The following CD46 variants were observed in gnomAD, a reference collection of about 807,000 sequenced individuals.
CD46 encodes CD46 molecule.
Under a neutral mutation model 53.3 loss-of-function variants are expected in CD46, and 30 were observed. That is an observed-to-expected ratio of 0.56 (90% CI 0.42 to 0.76). CD46 has a LOEUF of 0.76. Among genes scored for constraint, CD46 ranks in the 30% least tolerant of loss-of-function variants. The pLI, the probability that CD46 is intolerant of heterozygous loss-of-function variation, is 0.00. For missense variants in CD46, 409 were observed against 463.0 expected (o/e 0.88, Z 1.07); for synonymous variants, 142 against 152.0 (o/e 0.93, Z 0.48).
intron 8 of CD46, among the ~76,000 whole-genome samples, chr1:207,775,201 A>G (rs1420810770): frequency 6.6e-6 from 1 of 152,120 alleles, no homozygotes; most frequent in Non-Finnish European, 1.5e-5. Flanking sequence ...TGCGTCACGA[A>G]GTTCTTGTGC....
chr1:207,783,301 A>G lies in CD46; in HGVS notation c.953A>G (p.Lys318Arg). ...TCTTCTTTTTTCCTAGGATATCCTA[A>G]ACCTGAGGAAGGAATACTTGACAGT... ...PPVSNYPGYP[K>R]PEEGILDSLD... The change falls in exon 9 of 13, where the codon AAA becomes AGA. Residue 318 changes from lysine to arginine, a missense_variant. Physicochemically the swap from Lys to Arg is conservative, Grantham distance 26. Transcript: ENST00000367042. 1 of 1,511,380 alleles carries G rather than the reference A, an allele frequency of 6.6e-7. No homozygotes were observed. The highest frequency in any genetic ancestry group is 9.2e-7 in the Non-Finnish European group (1 of 1,087,734). The allele number at this position is 1,511,380 out of a possible 1,614,324, so 93.6% of individuals were successfully genotyped here. A position where few individuals can be genotyped will look rare whatever the true frequency, so the allele number is the denominator to read the frequency against.
chr1:207,791,469 G>GGC (rs1558085470), intron 12 of CD46, among the ~76,000 whole-genome samples: 1 of 152,182 alleles, frequency 6.6e-6, no homozygotes, highest in Non-Finnish European at 1.5e-5. Flanking sequence ...TGATAACCAA[G>GGC]ACAGCTATTG....
intron 11 of CD46, 57 bp downstream of exon 11, chr1:207,785,739 T>C: frequency 9.2e-7 from 1 of 1,090,414 alleles, no homozygotes; most frequent in Non-Finnish European, 1.4e-6. Flanking sequence ...TAACATGCTT[T>C]TGTGCAGCTT....
intron 8 of CD46, among the ~76,000 whole-genome samples, chr1:207,782,825 T>TG (rs1157360557): frequency 6.6e-6 from 1 of 150,518 alleles, no homozygotes; most frequent in Non-Finnish European, 1.5e-5. Context: ...TTTTTGTTTT[T>TG]TTTTTTTTTA....
In CD46 at chr1:207,767,207, A is replaced by G. The variant is rs745757525; in HGVS notation, c.856+12A>G. ...AAAGTGTCTTAAAGGTACAAAGGTT[A>G]TCTTTTTTCTGTCTTGGTTTGTTAT... On this transcript the variant is annotated intron_variant, in intron 6 of 12. Coordinates refer to ENST00000367042, the MANE Select transcript of CD46 (RefSeq NM_172351.3). The G allele has an allele frequency of 1.9e-6, 3 of 1,607,578 alleles. No individual in the cohort carries two copies. The African/African-American group carries it at 4.0e-5, about 21-fold the overall frequency.
chr1:207,767,759 A>C lies in CD46; in HGVS notation c.857-20A>C. ...CTCCCAAGTGTTTGGTCCAATCTAC[A>C]TTATTATTTTGTTTTCCAGTGTCGA... On this transcript the variant is annotated intron_variant, in intron 6 of 12. Transcript: ENST00000367042. 6.2e-7 allele frequency: 1 copy of C among 1,610,680 alleles called. No homozygotes were observed. The highest frequency in any genetic ancestry group is 2.2e-5 in the East Asian group (1 of 44,820).
chr1:207,784,968 G>A lies in CD46; in HGVS notation c.983-103G>A. 3 of 942,346 alleles carry A rather than the reference G, an allele frequency of 3.2e-6. No individual in the cohort carries two copies. The South Asian group carries it at 4.1e-5, about 13-fold the overall frequency. 58.4% of individuals were successfully genotyped at this position (942,346 alleles called of 1,614,324 possible). A position where few individuals can be genotyped will look rare whatever the true frequency, so the allele number is the denominator to read the frequency against. On this transcript the variant is annotated intron_variant, in intron 9 of 12. Transcript: ENST00000367042. ...TTGCGATTCAAGATGAGATTTGGGTGGGGACACAGCCAAACCATATCAAGT... is the reference window on the plus strand; with the variant it reads ...TTGCGATTCAAGATGAGATTTGGGTAGGGACACAGCCAAACCATATCAAGT...
At chr1:207,792,818 AAC>A (rs1005455499) in intron 12 of CD46, among the ~76,000 whole-genome samples, 1 of 152,246 alleles carries the variant, frequency 6.6e-6, no homozygotes, top group African/African-American at 2.4e-5. Flanking sequence ...GCAAGTGTCA[AAC>A]ACACACTGGA....
At chr1:207,759,494 C>T in intron 3 of CD46, 145 bp from the exon 4 acceptor site, 1 of 598,566 alleles carries the variant, frequency 1.7e-6, no homozygotes, top group Non-Finnish European at 3.0e-6. Flanking sequence ...TTATTTAGCA[C>T]TTTCGTTATA....
intron 10 of CD46, 72 bp downstream of exon 10, chr1:207,785,178 T>A: frequency 8.2e-7 from 1 of 1,220,094 alleles, no homozygotes; most frequent in Admixed American, 1.8e-5. Flanking sequence ...AAAAATAGTT[T>A]TTCAGTTTCT....
chr1:207,757,246 T>A (rs1379324990), intron 2 of CD46, 44 bp downstream of exon 2: 4 of 1,505,440 alleles, frequency 2.7e-6, no homozygotes, highest in Non-Finnish European at 3.7e-6. Context: ...GCTCTAGAGA[T>A]TTGCATACAT....
intron 11 of CD46, among the ~76,000 whole-genome samples, chr1:207,789,870 GAA>G (rs150136290): frequency 1.5e-3 from 65 of 43,358 alleles, no homozygotes; most frequent in South Asian, 6.6e-3. Context: ...GCTGTGTCTT[GAA>G]AAAAAAAAAA....
chr1:207,754,940 T>A, intron 1 of CD46, among the ~76,000 whole-genome samples: 1 of 143,300 alleles, frequency 7.0e-6, no homozygotes, highest in Non-Finnish European at 1.5e-5. Context: ...AGACCTCACC[T>A]ATACAAAACA....
intron 11 of CD46, among the ~76,000 whole-genome samples, chr1:207,787,384 T>C (rs1461924814): frequency 6.6e-6 from 1 of 152,180 alleles, no homozygotes; most frequent in Non-Finnish European, 1.5e-5. Flanking sequence ...AATGGGTCTT[T>C]TAAAGCTCAA....
intron 11 of CD46, among the ~76,000 whole-genome samples, chr1:207,787,739 G>A (rs1659403066): frequency 6.6e-6 from 1 of 152,148 alleles, no homozygotes; most frequent in East Asian, 1.9e-4. Flanking sequence ...GAACATACTC[G>A]ATTGGAAATT....
Position 207,793,636 on chromosome 1 carries a change from T to A in CD46, c.*159T>A. 1 of 1,477,232 alleles carries A rather than the reference T, an allele frequency of 6.8e-7. No homozygotes were observed. Among genetic ancestry groups the A allele is most frequent in the Non-Finnish European group, 9.5e-7 (1 of 1,055,870 alleles). The allele number at this position is 1,477,232 out of a possible 1,614,324, so 91.5% of individuals were successfully genotyped here. A position where few individuals can be genotyped will look rare whatever the true frequency, so the allele number is the denominator to read the frequency against. ...TTGCCAGTTCATCTTTTGACTCTAT[T>A]AAAATCTTCAATAGTTGTTATTCTG... On this transcript the variant is annotated 3_prime_UTR_variant, in exon 13 of 13. Transcript: ENST00000367042.
intron 4 of CD46, chr1:207,760,924 T>G (rs1232839159): frequency 1.5e-5 from 5 of 341,990 alleles, no homozygotes; most frequent in Non-Finnish European, 2.2e-5. Context: ...TCCACCCCCA[T>G]GATTCAGACC....
intron 7 of CD46, chr1:207,769,940 AT>A (rs1474609725): frequency 5.1e-6 from 1 of 197,896 alleles, no homozygotes; most frequent in African/African-American, 2.4e-5. Context: ...AATTTTTTGT[AT>A]TTTTAGTAGA....
intron 8 of CD46, among the ~76,000 whole-genome samples, chr1:207,771,299 C>T (rs928787009): frequency 1.3e-5 from 2 of 152,122 alleles, no homozygotes; most frequent in South Asian, 4.1e-4. Context: ...GATATTAGCC[C>T]TTTGTCAGAT....
Sources: gnomAD v4.1 joint callset for allele counts (sites outside exome capture counted in the v4.1 genomes callset) on GRCh38, gnomAD v4.1.1 for gene constraint, MANE v1.5 for transcripts, NCBI Gene and HGNC (gene_info 2026-07-23, HGNC 2026-07-21) for gene names.